Variants in RNF150 observed in about 807,000 individuals in gnomAD.
The protein encoded by RNF150 is ring finger protein 150.
Under a neutral mutation model 39.3 loss-of-function variants are expected in RNF150, and 24 were observed. The observed-to-expected ratio is 0.61, with a 90% CI of 0.44 to 0.86. RNF150 has a LOEUF of 0.86. RNF150 is among the 40% of genes least tolerant of loss of function. The pLI, the probability that RNF150 is intolerant of heterozygous loss-of-function variation, is 0.00. For synonymous variants in RNF150, 255 were observed against 227.3 expected (o/e 1.12, Z -1.10); for missense variants, 502 against 587.8 (o/e 0.85, Z 1.51).
At chr4:141,095,683 G>A (rs1047401061) in intron 1 of RNF150, among the ~76,000 whole-genome samples, 5 of 152,074 alleles carry the variant, frequency 3.3e-5, no homozygotes, top group Non-Finnish European at 5.9e-5. Context: ...CATAAAGCAG[G>A]TAAAACAAAC....
chr4:141,060,545 T>C (rs1208743905), intron 1 of RNF150, among the ~76,000 whole-genome samples: 1 of 152,228 alleles, frequency 6.6e-6, no homozygotes, highest in Non-Finnish European at 1.5e-5. Context: ...ATGTGATAAA[T>C]AGTCAAATCT....
intron 1 of RNF150, among the ~76,000 whole-genome samples, chr4:141,109,773 A>G (rs888439626): frequency 1.3e-5 from 2 of 152,148 alleles, no homozygotes; most frequent in African/African-American, 4.8e-5. Context: ...AAATCTAACA[A>G]ACACCTATTT....
intron 1 of RNF150, among the ~76,000 whole-genome samples, chr4:141,104,164 C>T (rs1390637656): frequency 6.6e-6 from 1 of 151,956 alleles, no homozygotes; most frequent in Admixed American, 6.6e-5. Flanking sequence ...ACCCCAAAGC[C>T]CTGTGGAGAA....
chr4:141,171,173 G>C (rs898680249), intron 1 of RNF150, among the ~76,000 whole-genome samples: 4 of 152,130 alleles, frequency 2.6e-5, no homozygotes, highest in African/African-American at 9.7e-5. Context: ...AAAAGAAGGA[G>C]GCTTAGAAAA....
chr4:141,032,403 T>C (rs992658241), intron 1 of RNF150, among the ~76,000 whole-genome samples: 15 of 152,128 alleles, frequency 9.9e-5, no homozygotes, highest in African/African-American at 3.1e-4. Flanking sequence ...ATTGTGTACT[T>C]GAAATCTGCT....
rs56045113 is a variant in RNF150, at chr4:141,039,413, G to A, written c.485-71540C>T. ...GGAGGAGGTAGAGAAAGAAAGGGGA[G>A]GAGAAAAAAGGGAGAGGAGAAAAGA... On this transcript the variant is annotated intron_variant, in intron 1 of 6. Coordinates refer to ENST00000515673, the MANE Select transcript of RNF150 (RefSeq NM_020724.2). Among the ~76,000 whole-genome samples the A allele has an allele frequency of 4.2e-3, 643 of 151,654 alleles. 3 individuals are homozygous for A. Among genetic ancestry groups the A allele is most frequent in the Admixed American group, 1.0e-2 (152 of 15,208 alleles).
chr4:141,176,818 A>T (rs545049486), intron 1 of RNF150, among the ~76,000 whole-genome samples: 1 of 152,318 alleles, frequency 6.6e-6, no homozygotes, highest in South Asian at 2.1e-4. Context: ...CTACAATATC[A>T]ATTTACACTT....
chr4:140,902,282 A>G (rs1730215768), intron 6 of RNF150, among the ~76,000 whole-genome samples: 1 of 152,218 alleles, frequency 6.6e-6, no homozygotes, highest in Admixed American at 6.5e-5. Flanking sequence ...AATATAGGGT[A>G]GCTGCAAATT....
Position 140,875,833 on chromosome 4 carries a change from G to A in RNF150, c.1199-7454C>T, listed in dbSNP as rs1729135903. Among the ~76,000 whole-genome samples the A allele has an allele frequency of 2.0e-5, 3 of 151,964 alleles. No homozygotes were observed. The South Asian group carries it at 6.2e-4, about 32-fold the overall frequency. ...CTTTCCTACTTAATTGTTTCTTTAT[G>A]GTGGTTATTCAAAGCTAAAGCAGAA... On this transcript the variant is annotated intron_variant, in intron 6 of 6. Transcript: ENST00000515673.
intron 6 of RNF150, among the ~76,000 whole-genome samples, chr4:140,906,502 A>G (rs1730380770): frequency 1.3e-5 from 2 of 152,194 alleles, no homozygotes; most frequent in African/African-American, 4.8e-5. Flanking sequence ...GAAAGGGGGT[A>G]TCATGGAACA....
intron 1 of RNF150, among the ~76,000 whole-genome samples, chr4:141,207,701 G>A (rs1343778574): frequency 2.0e-5 from 3 of 152,132 alleles, no homozygotes; most frequent in Non-Finnish European, 4.4e-5. Flanking sequence ...TCCAACCTAC[G>A]GAAGCTGTGA....
At chr4:140,893,222 C>CCTAA (rs149027911) in intron 6 of RNF150, among the ~76,000 whole-genome samples, 22,309 of 152,048 alleles carry the variant, frequency 0.15, 2,077 homozygotes, top group East Asian at 0.41. Flanking sequence ...TGTTTTTTCT[C>CCTAA]CTAACTAGAG....
chr4:141,068,472 T>G (rs963900178), intron 1 of RNF150, among the ~76,000 whole-genome samples: 1 of 152,156 alleles, frequency 6.6e-6, no homozygotes, highest in South Asian at 2.1e-4. Context: ...CCTTGTAGTA[T>G]AGTTTGAAGT....
chr4:141,054,857 C>T (rs1015570546), intron 1 of RNF150, among the ~76,000 whole-genome samples: 5 of 151,998 alleles, frequency 3.3e-5, no homozygotes, highest in Admixed American at 2.0e-4. Context: ...GTGCACATAT[C>T]GAATTGAAAC....
chr4:141,060,141 G>A (rs1227530798), intron 1 of RNF150, among the ~76,000 whole-genome samples: 2 of 152,128 alleles, frequency 1.3e-5, no homozygotes, highest in African/African-American at 4.8e-5. Flanking sequence ...TATAACAAAA[G>A]TATTAAATAA....
At chr4:140,917,287 G>C (rs1286156850) in intron 5 of RNF150, among the ~76,000 whole-genome samples, 7 of 152,122 alleles carry the variant, frequency 4.6e-5, no homozygotes, top group African/African-American at 1.7e-4. Flanking sequence ...GCTATATTCA[G>C]GAAACCCATT....
chr4:141,017,941 T>C (rs777123111), intron 1 of RNF150, among the ~76,000 whole-genome samples: 3 of 152,188 alleles, frequency 2.0e-5, no homozygotes, highest in Non-Finnish European at 4.4e-5. Context: ...TTGGCAATTA[T>C]GAATAAAGCT....
Position 141,171,516 on chromosome 4 carries a change from C to A in RNF150, c.-6+41278G>T, listed in dbSNP as rs1339148531. On this transcript the variant is annotated intron_variant, in intron 1 of 7. Transcript: ENST00000420921. ...AGAAAGTGGGGATTCTTACTACTTA[C>A]TAGTGAGTGAGCACAGAATGGGGGA... is the stretch of plus-strand genomic sequence containing the variant. 2.0e-5 allele frequency among the ~76,000 whole-genome samples: 3 copies of A among 151,542 alleles called. No individual in the cohort carries two copies. The East Asian group carries it at 5.8e-4, about 29-fold the overall frequency.
intron 1 of RNF150, among the ~76,000 whole-genome samples, chr4:140,996,151 T>C (rs1240044835): frequency 2.0e-5 from 3 of 152,238 alleles, no homozygotes; most frequent in Non-Finnish European, 4.4e-5. Flanking sequence ...ATTGCTTGTC[T>C]TTTGGATAGA....
Sources: gnomAD v4.1 joint callset for allele counts (sites outside exome capture counted in the v4.1 genomes callset) on GRCh38, gnomAD v4.1.1 for gene constraint, MANE v1.5 for transcripts, NCBI Gene and HGNC (gene_info 2026-07-23, HGNC 2026-07-21) for gene names.